The following RERG variants were observed in gnomAD, a reference collection of about 807,000 sequenced individuals.
RERG encodes RAS like estrogen regulated growth inhibitor.
In RERG, 25 loss-of-function variants were observed where a neutral mutation model predicts 23.2. The observed-to-expected ratio is 1.08, with a 90% CI of 0.79 to 1.50. RERG has a LOEUF of 1.50. RERG is among the 40% of genes most tolerant of loss of function. The pLI is 0.00. For missense variants in RERG, 253 were observed against 250.1 expected, an observed-to-expected ratio of 1.01 and a Z score of -0.08; for synonymous variants, 81 against 89.1, an observed-to-expected ratio of 0.91 and a Z score of 0.51.
chr12:15,192,962 A>C (rs80310069), intron 2 of RERG, among the ~76,000 whole-genome samples: 2,066 of 152,244 alleles, frequency 0.014, 63 homozygotes, highest in African/African-American at 0.048. Context: ...GCTAACCTTT[A>C]GTATTGCTTA....
At chr12:15,212,184 C>T (rs1383834061) in intron 2 of RERG, among the ~76,000 whole-genome samples, 2 of 149,570 alleles carry the variant, frequency 1.3e-5, no homozygotes, top group African/African-American at 2.5e-5. Context: ...CTCAGCCTCC[C>T]GAGTAGCTGG....
intron 2 of RERG, among the ~76,000 whole-genome samples, chr12:15,189,133 C>G (rs1351074231): frequency 6.6e-6 from 1 of 152,188 alleles, no homozygotes; most frequent in Non-Finnish European, 1.5e-5. Context: ...AAACACACAT[C>G]ATATTGTTTT....
At chr12:15,179,645 T>C (rs1447282502) in intron 2 of RERG, among the ~76,000 whole-genome samples, 1 of 152,166 alleles carries the variant, frequency 6.6e-6, no homozygotes, top group Non-Finnish European at 1.5e-5. Context: ...ATGTAACATC[T>C]AAAAATATAA....
Position 15,108,545 on chromosome 12 carries a change from T to C in RERG, c.*565A>G, listed in dbSNP as rs973502826. On this transcript the variant is annotated 3_prime_UTR_variant, in exon 5 of 5. Coordinates refer to ENST00000256953, the MANE Select transcript of RERG (RefSeq NM_032918.3). Reference sequence around the variant, plus strand: ...TCAAATTGAAATGAATTCTCTGTTATAGTGAAAAACATTAGTGAGAAGATG... The same window carrying C: ...TCAAATTGAAATGAATTCTCTGTTACAGTGAAAAACATTAGTGAGAAGATG... 1 of 152,630 alleles carries C rather than the reference T, an allele frequency of 6.6e-6. No homozygotes were observed. The highest frequency in any genetic ancestry group is 2.4e-5 in the African/African-American group (1 of 41,448). 9.5% of individuals were successfully genotyped at this position (152,630 alleles called of 1,614,324 possible).
At chr12:15,178,699 G>A (rs1864884950) in intron 2 of RERG, among the ~76,000 whole-genome samples, 1 of 152,140 alleles carries the variant, frequency 6.6e-6, no homozygotes, top group South Asian at 2.1e-4. Flanking sequence ...GCACTGAAAG[G>A]AGAGTTTGAC....
At chr12:15,121,402 A>C (rs1218318253) in intron 2 of RERG, among the ~76,000 whole-genome samples, 2 of 152,198 alleles carry the variant, frequency 1.3e-5, no homozygotes, top group Non-Finnish European at 1.5e-5. Context: ...CAAAAGTATA[A>C]TGTGAAAATG....
rs1160790939 is a variant in RERG at position 15,198,171 on chromosome 12, CA to C, written c.61+19257del. ...TCTTGTCTCTTGGTGAGGAGGCATTCACTTATAAATCTAGATGGTTCAACTT... is the reference window on the plus strand; with the variant it reads ...TCTTGTCTCTTGGTGAGGAGGCATTCCTTATAAATCTAGATGGTTCAACTT... On this transcript the variant is annotated intron_variant, in intron 2 of 4. Coordinates refer to ENST00000256953, the MANE Select transcript of RERG (RefSeq NM_032918.3). 6.6e-5 allele frequency among the ~76,000 whole-genome samples: 10 copies of C among 152,186 alleles called. No individual in the cohort carries two copies. In the East Asian group the frequency reaches 1.9e-3, roughly 29 times the overall value.
chr12:15,171,176 T>A (rs1439020564), intron 2 of RERG, among the ~76,000 whole-genome samples: 2 of 152,224 alleles, frequency 1.3e-5, no homozygotes, highest in Non-Finnish European at 2.9e-5. Flanking sequence ...GAGGCTATAA[T>A]CAAAGCTGGC....
intron 2 of RERG, among the ~76,000 whole-genome samples, chr12:15,153,147 A>G (rs1268978627): frequency 2.0e-5 from 3 of 152,162 alleles, no homozygotes; most frequent in Admixed American, 2.0e-4. Flanking sequence ...CTTGTTACAC[A>G]TTTGTTTTCT....
At chr12:15,126,156 T>TATATATAG (rs1555120849) in intron 2 of RERG, among the ~76,000 whole-genome samples, 1 of 140,622 alleles carries the variant, frequency 7.1e-6, no homozygotes, top group African/African-American at 2.7e-5. Flanking sequence ...TATATATGTA[T>TATATATAG]TTACACACAT....
intron 2 of RERG, among the ~76,000 whole-genome samples, chr12:15,161,207 A>G (rs911845677): frequency 2.1e-5 from 3 of 143,506 alleles, no homozygotes; most frequent in Non-Finnish European, 3.1e-5. Flanking sequence ...AGAAAGAAAG[A>G]AAGAAAGAAA....
chr12:15,173,369 A>G (rs1864802536), intron 2 of RERG, among the ~76,000 whole-genome samples: 1 of 152,012 alleles, frequency 6.6e-6, no homozygotes, highest in Non-Finnish European at 1.5e-5. Context: ...TGATTAATGT[A>G]GCTTTTATAA....
chr12:15,170,561 A>C (rs571304128), intron 2 of RERG, among the ~76,000 whole-genome samples: 1 of 152,274 alleles, frequency 6.6e-6, no homozygotes, highest in African/African-American at 2.4e-5. Flanking sequence ...CCAATCTCTG[A>C]GTATAATATG....
chr12:15,201,330 T>C (rs190479633), intron 2 of RERG, among the ~76,000 whole-genome samples: 136 of 151,948 alleles, frequency 9.0e-4, no homozygotes, highest in African/African-American at 3.2e-3. Flanking sequence ...CAGAGCCAAA[T>C]TGCCTGAGCT....
chr12:15,144,889 G>A (rs1864304721), intron 2 of RERG, among the ~76,000 whole-genome samples: 1 of 152,224 alleles, frequency 6.6e-6, no homozygotes, highest in South Asian at 2.1e-4. Flanking sequence ...ACAATGCTGT[G>A]AGAAACAGAA....
intron 2 of RERG, among the ~76,000 whole-genome samples, chr12:15,172,923 G>C (rs1864796556): frequency 6.6e-6 from 1 of 151,940 alleles, no homozygotes; most frequent in African/African-American, 2.4e-5. Flanking sequence ...TCCATTCAGT[G>C]AGTTTTTCTT....
At chr12:15,139,546 T>A (rs1462368412) in intron 2 of RERG, among the ~76,000 whole-genome samples, 1 of 152,150 alleles carries the variant, frequency 6.6e-6, no homozygotes, top group Non-Finnish European at 1.5e-5. Context: ...TTTGTTAGAT[T>A]TATACATAAG....
At chr12:15,203,875 G>A (rs755692035) in intron 2 of RERG, among the ~76,000 whole-genome samples, 13 of 151,446 alleles carry the variant, frequency 8.6e-5, no homozygotes, top group Non-Finnish European at 1.8e-4. Context: ...AGGAGTTGAA[G>A]ACTTATAAAT....
intron 2 of RERG, among the ~76,000 whole-genome samples, chr12:15,133,686 GCTA>G (rs1864093259): frequency 6.7e-6 from 1 of 149,790 alleles, no homozygotes; most frequent in African/African-American, 2.5e-5. Flanking sequence ...TTCCAAAGTA[GCTA>G]CACCACTTTT....
Sources: allele counts gnomAD v4.1 joint callset (sites outside exome capture counted in the v4.1 genomes callset), GRCh38; gene constraint gnomAD v4.1.1; transcripts MANE v1.5; gene names NCBI Gene and HGNC (gene_info 2026-07-23, HGNC 2026-07-21).